Variants in DSCAM observed in about 807,000 individuals in gnomAD.
DSCAM encodes cell adhesion molecule DSCAM.
Under a neutral mutation model 217.7 loss-of-function variants are expected in DSCAM, and 47 were observed. That is an observed-to-expected ratio of 0.22 (90% CI 0.17 to 0.28). The LOEUF (loss-of-function observed/expected upper bound fraction) is 0.28. Ranked by LOEUF, DSCAM falls within the 10% of genes least tolerant of loss-of-function variation. DSCAM has a pLI of 1.00. For synonymous variants in DSCAM, 1,056 were observed against 1,015.3 expected (o/e 1.04, Z -0.76); for missense variants, 2,080 against 2,618.3 (o/e 0.79, Z 4.49).
At chr21:40,026,148 G>A (rs2088377595) in intron 32 of DSCAM, among the ~76,000 whole-genome samples, 1 of 141,794 alleles carries the variant, frequency 7.1e-6, no homozygotes, top group Non-Finnish European at 1.6e-5. Context: ...TCATTCAGGA[G>A]CAGGTTGTTC....
At chr21:40,793,050 G>T (rs945690395) in intron 1 of DSCAM, among the ~76,000 whole-genome samples, 2 of 152,174 alleles carry the variant, frequency 1.3e-5, no homozygotes, top group African/African-American at 4.8e-5. Flanking sequence ...TGAGACATTT[G>T]CTTTTTTTCT....
At chr21:40,701,175 T>C (rs1162797139) in intron 2 of DSCAM, among the ~76,000 whole-genome samples, 1 of 152,248 alleles carries the variant, frequency 6.6e-6, no homozygotes, top group Admixed American at 6.5e-5. Context: ...TTATCTGTTT[T>C]TCCTTGAGTG....
rs530026583 is a variant in DSCAM, at chr21:40,735,113, T to A, written c.44-26342A>T. ...TCTGTTCTCTTTGCCTGTACATATA[T>A]GTTATTTGCATGTATCACACTGAGG... On this transcript the variant is annotated intron_variant, in intron 1 of 32. Transcript: ENST00000400454. Among the ~76,000 whole-genome samples the A allele has an allele frequency of 1.4e-4, 22 of 152,380 alleles. No individual in the cohort carries two copies. The South Asian group carries it at 4.3e-3, about 30-fold the overall frequency.
intron 1 of DSCAM, among the ~76,000 whole-genome samples, chr21:40,811,521 A>G (rs2091838811): frequency 1.3e-5 from 2 of 152,298 alleles, no homozygotes; most frequent in South Asian, 2.1e-4. Context: ...TCACCCATCA[A>G]TGGGCGCACG....
intron 1 of DSCAM, among the ~76,000 whole-genome samples, chr21:40,809,455 T>TCAGAG (rs750588978): frequency 0.028 from 4,250 of 152,292 alleles, 177 homozygotes; most frequent in East Asian, 0.18. Context: ...CTCTGTGAAC[T>TCAGAG]TGTTAAGAAT....
chr21:40,837,056 G>T (rs1331838648), intron 1 of DSCAM, among the ~76,000 whole-genome samples: 1 of 152,206 alleles, frequency 6.6e-6, no homozygotes, highest in Non-Finnish European at 1.5e-5. Flanking sequence ...CCTTACCTGG[G>T]AAGGCCCACA....
chr21:40,518,547 C>T (rs2076332252), intron 3 of DSCAM, among the ~76,000 whole-genome samples: 2 of 67,700 alleles, frequency 3.0e-5, no homozygotes, highest in African/African-American at 1.6e-4. Flanking sequence ...TATATGTACA[C>T]ACACATATAC....
chr21:40,626,661 G>A (rs576567239), intron 3 of DSCAM, among the ~76,000 whole-genome samples: 7 of 152,048 alleles, frequency 4.6e-5, no homozygotes, highest in Non-Finnish European at 1.0e-4. Flanking sequence ...TATGTGGCTC[G>A]TTCTTTCCCA....
chr21:40,668,560 G>GCAA (rs966621882), intron 3 of DSCAM, among the ~76,000 whole-genome samples: 3 of 152,128 alleles, frequency 2.0e-5, no homozygotes, highest in Non-Finnish European at 4.4e-5. Context: ...AGCAGATTCA[G>GCAA]CAACACCTGG....
intron 32 of DSCAM, among the ~76,000 whole-genome samples, chr21:40,030,165 C>CCCTTCTAGAGGAAGGCTTGCTCCCTCCCT (rs2088492621): frequency 6.6e-6 from 1 of 152,212 alleles, no homozygotes; most frequent in Non-Finnish European, 1.5e-5. Context: ...CTGCGTTCCA[C>CCCTTCTAGAGGAAGGCTTGCTCCCTCCCT]CCTTCTAGAG....
intron 24 of DSCAM, among the ~76,000 whole-genome samples, chr21:40,082,331 G>T (rs10222092): frequency 0.29 from 44,738 of 152,072 alleles, 6,791 homozygotes; most frequent in Middle Eastern, 0.38. Context: ...GTGGTGACAC[G>T]TGCCTGTAGT....
At chr21:40,485,443 C>T (rs1331257859) in intron 3 of DSCAM, among the ~76,000 whole-genome samples, 7 of 151,488 alleles carry the variant, frequency 4.6e-5, no homozygotes, top group South Asian at 2.1e-4. Flanking sequence ...GGGGTTTCAC[C>T]GTGTTAGCCA....
At position 40,692,840 on chromosome 21, in the gene DSCAM, A is replaced by G; in HGVS notation, c.478T>C (p.Trp160Arg). 1 of 1,613,744 alleles carries G rather than the reference A, an allele frequency of 6.2e-7. No individual in the cohort carries two copies. The highest frequency in any genetic ancestry group is 8.5e-7 in the Non-Finnish European group (1 of 1,179,634). ...ACAAGTGAAACAGTGTCTTTCTCCC[A>G]TGAGACGACAGTGATGTACGCCTCC... ...SVEAYITVVS[W>R]EKDTVSLVSG... Residue 160 changes from tryptophan to arginine, a missense_variant, in exon 3 of 33, where the codon TGG (tryptophan) becomes CGG (arginine). Coordinates refer to ENST00000400454, the MANE Select transcript of DSCAM (RefSeq NM_001389.5).
At chr21:40,579,797 T>A (rs1214055702) in intron 3 of DSCAM, among the ~76,000 whole-genome samples, 1 of 151,362 alleles carries the variant, frequency 6.6e-6, no homozygotes, top group Admixed American at 6.6e-5. Context: ...GATATAAGAA[T>A]AAAAGAATGT....
At chr21:40,017,568 T>TC (rs1491099575) in intron 32 of DSCAM, among the ~76,000 whole-genome samples, 2 of 149,468 alleles carry the variant, frequency 1.3e-5, no homozygotes, top group African/African-American at 2.6e-5. Context: ...CATAACATTT[T>TC]TTTTTTTTTT....
chr21:40,152,959 A>G (rs1342221349), intron 16 of DSCAM, among the ~76,000 whole-genome samples: 1 of 152,266 alleles, frequency 6.6e-6, no homozygotes, highest in Non-Finnish European at 1.5e-5. Context: ...TCACTGCAGA[A>G]TTTCACGTTT....
intron 2 of DSCAM, among the ~76,000 whole-genome samples, chr21:40,707,899 T>C (rs1320969336): frequency 1.3e-5 from 2 of 152,304 alleles, no homozygotes; most frequent in South Asian, 2.1e-4. Context: ...AAAAGGAACA[T>C]AGCCCATTCA....
intron 3 of DSCAM, among the ~76,000 whole-genome samples, chr21:40,497,841 A>C (rs141141799): frequency 6.6e-6 from 1 of 152,264 alleles, no homozygotes; most frequent in African/African-American, 2.4e-5. Context: ...AGAGTTTTGC[A>C]TCACTAAATG....
At chr21:40,275,748 C>A (rs1001657596) in intron 11 of DSCAM, among the ~76,000 whole-genome samples, 2 of 152,074 alleles carry the variant, frequency 1.3e-5, no homozygotes, top group African/African-American at 2.4e-5. Context: ...AGTTTTTCCA[C>A]GGGAAAATCA....
Sources: gnomAD v4.1 joint callset for allele counts (sites outside exome capture counted in the v4.1 genomes callset) on GRCh38, gnomAD v4.1.1 for gene constraint, MANE v1.5 for transcripts, NCBI Gene and HGNC (gene_info 2026-07-23, HGNC 2026-07-21) for gene names.